CFI: variants seen among roughly 807,000 people sequenced by gnomAD.
CFI encodes C3B/C4B inactivator.
CFI carries 66 observed loss-of-function variants against 78.8 expected under a neutral mutation model. The observed-to-expected ratio is 0.84, with a 90% CI of 0.69 to 1.03. The LOEUF is 1.03. CFI is among the 50% of genes least tolerant of loss of function. The pLI is 0.00. For synonymous variants in CFI, 250 were observed against 232.6 expected (o/e 1.07, Z -0.68); for missense variants, 706 against 704.5 (o/e 1.00, Z -0.02).
intron 1 of CFI, among the ~76,000 whole-genome samples, chr4:109,769,580 CGGGGTACTATGA>C (rs1338623087): frequency 1.3e-5 from 2 of 152,134 alleles, no homozygotes; most frequent in African/African-American, 2.4e-5. Context: ...CTCTCTCATG[CGGGGTACTATGA>C]GGTTCTCTAG....
At position 109,746,481 on chromosome 4, in the gene CFI, G is replaced by A; in HGVS notation, c.1170C>T (p.Tyr390=). 6.2e-7 allele frequency: 1 copy of A among 1,611,770 alleles called. No homozygotes were observed. The highest frequency in any genetic ancestry group is 8.5e-7 in the Non-Finnish European group (1 of 1,179,030). The change falls in exon 11 of 13, where the codon TAC becomes TAT. Residue 390 remains tyrosine (Y), a synonymous_variant. Transcript: ENST00000394634. ...AGTCTACTACTGTTGTCCATATTTG[G>A]TAACGATGAGTTTTACTGGCTCTAT... ...HCLRASKTHR[Y]QIWTTVVDWI...
In CFI at chr4:109,780,308, A is replaced by T. The variant is rs570261451; in HGVS notation, c.58-13484T>A. ...CTCAAACAAATTTACAAGAAAAAAT[A>T]AAAAAACCCCATCAAAAAGTGGTCG... On this transcript the variant is annotated intron_variant, in intron 1 of 12. Transcript: ENST00000394634. 3.3e-5 allele frequency among the ~76,000 whole-genome samples: 5 copies of T among 152,132 alleles called. No homozygotes were observed. The South Asian group carries it at 6.2e-4, about 19-fold the overall frequency.
Position 109,768,124 on chromosome 4 carries a change from G to A in CFI, c.58-1300C>T, listed in dbSNP as rs1579241008. ...AGGAAGGGGAACATCACACACTGGG[G>A]CCTGTTGTGGGGTGGGGGGAGGGGG... On this transcript the variant is annotated intron_variant, in intron 1 of 12. Transcript: ENST00000394634. Among the ~76,000 whole-genome samples, 3 of 124,660 alleles carry A rather than the reference G, an allele frequency of 2.4e-5. No homozygotes were observed. The South Asian group carries it at 9.3e-4, about 38-fold the overall frequency. The allele number at this position is 124,660 out of a possible 152,430, so 81.8% of individuals were successfully genotyped here.
intron 1 of CFI, among the ~76,000 whole-genome samples, chr4:109,768,652 C>G (rs1389806941): frequency 1.3e-5 from 2 of 152,168 alleles, no homozygotes; most frequent in Non-Finnish European, 2.9e-5. Flanking sequence ...CTCCCTGTCC[C>G]CCAGAGCTTC....
chr4:109,778,172 C>A (rs968229489), intron 1 of CFI, among the ~76,000 whole-genome samples: 1 of 152,038 alleles, frequency 6.6e-6, no homozygotes, highest in African/African-American at 2.4e-5. Flanking sequence ...AAAAACCCTT[C>A]AAAAAATCAA....
rs964077330 is a variant in CFI, at chr4:109,796,489, G to A, written c.57+5426C>T. On this transcript the variant is annotated intron_variant, in intron 1 of 12. Coordinates refer to ENST00000394634, the MANE Select transcript of CFI (RefSeq NM_000204.5). ...TGTTTCTATACATCAATAATGAACT[G>A]TCCTAGAAAGAATTTTAAGAAAACC... Among the ~76,000 whole-genome samples, 3 of 152,172 alleles carry A rather than the reference G, an allele frequency of 2.0e-5. No homozygotes were observed. The East Asian group carries it at 5.8e-4, about 29-fold the overall frequency.
chr4:109,758,099 T>C (rs1316233764), intron 6 of CFI: 21 of 538,418 alleles, frequency 3.9e-5, no homozygotes, highest in Non-Finnish European at 6.0e-5. Flanking sequence ...AGCTCATCCC[T>C]AAATAAGAGT....
At chr4:109,746,779 T>C (rs934852894) in intron 10 of CFI, among the ~76,000 whole-genome samples, 1 of 152,170 alleles carries the variant, frequency 6.6e-6, no homozygotes, top group African/African-American at 2.4e-5. Context: ...GGAATGAGTT[T>C]GCTGCCTCTG....
At chr4:109,747,329 C>A (rs1350699657) in intron 10 of CFI, among the ~76,000 whole-genome samples, 1 of 148,782 alleles carries the variant, frequency 6.7e-6, no homozygotes, top group Non-Finnish European at 1.5e-5. Context: ...GAACTACAGG[C>A]ATGTGCCACC....
At chr4:109,778,749 C>T (rs561150612) in intron 1 of CFI, among the ~76,000 whole-genome samples, 5 of 152,220 alleles carry the variant, frequency 3.3e-5, no homozygotes, top group East Asian at 1.9e-4. Context: ...ACTGGCAAAC[C>T]GAATCCAGCA....
chr4:109,796,036 G>A (rs1732012746), intron 1 of CFI, among the ~76,000 whole-genome samples: 2 of 152,216 alleles, frequency 1.3e-5, no homozygotes, highest in South Asian at 2.1e-4. Context: ...ACCTAAAAAG[G>A]TCTAGACTGA....
chr4:109,742,657 T>C, intron 11 of CFI, 62 bp from the exon 12 acceptor site: 4 of 1,029,852 alleles, frequency 3.9e-6, no homozygotes, highest in Non-Finnish European at 6.1e-6. Context: ...ATACATACTC[T>C]CATAACTTAA....
intron 7 of CFI, among the ~76,000 whole-genome samples, chr4:109,757,077 G>A (rs939934441): frequency 1.3e-5 from 2 of 152,014 alleles, no homozygotes; most frequent in Non-Finnish European, 2.9e-5. Context: ...CGCCCAGGCT[G>A]GAGTGCAGTG....
At chr4:109,791,498 G>A (rs545624155) in intron 1 of CFI, among the ~76,000 whole-genome samples, 5 of 152,204 alleles carry the variant, frequency 3.3e-5, no homozygotes, top group East Asian at 1.9e-4. Flanking sequence ...TGGTGTCTTC[G>A]TCATGAAATC....
At chr4:109,790,961 C>T (rs1186208914) in intron 1 of CFI, among the ~76,000 whole-genome samples, 1 of 152,154 alleles carries the variant, frequency 6.6e-6, no homozygotes, top group Non-Finnish European at 1.5e-5. Flanking sequence ...TAGGTATATA[C>T]CCAGTAATGG....
At chr4:109,797,780 A>G (rs940946811) in intron 1 of CFI, among the ~76,000 whole-genome samples, 2 of 152,234 alleles carry the variant, frequency 1.3e-5, no homozygotes, top group African/African-American at 2.4e-5. Flanking sequence ...TCTTCAAATA[A>G]GATATGTAAA....
intron 1 of CFI, among the ~76,000 whole-genome samples, chr4:109,795,982 G>A (rs962783008): frequency 6.6e-6 from 1 of 152,098 alleles, no homozygotes; most frequent in Non-Finnish European, 1.5e-5. Flanking sequence ...GAAGGAAATG[G>A]ACATCTGGAT....
At chr4:109,789,455 A>T (rs528083405) in intron 1 of CFI, among the ~76,000 whole-genome samples, 1 of 152,218 alleles carries the variant, frequency 6.6e-6, no homozygotes, top group South Asian at 2.1e-4. Flanking sequence ...CTATGTACAG[A>T]GAAACGAAGA....
At chr4:109,748,813 CAA>C (rs1724785864) in intron 10 of CFI, among the ~76,000 whole-genome samples, 1 of 152,160 alleles carries the variant, frequency 6.6e-6, no homozygotes, top group Non-Finnish European at 1.5e-5. Flanking sequence ...AAGAGGAATG[CAA>C]AGTCATTGCA....
Sources: gnomAD v4.1 joint callset for allele counts (sites outside exome capture counted in the v4.1 genomes callset) on GRCh38, gnomAD v4.1.1 for gene constraint, MANE v1.5 for transcripts, NCBI Gene and HGNC (gene_info 2026-07-23, HGNC 2026-07-21) for gene names.